The following PELP1 variants were observed in gnomAD, a reference collection of about 807,000 sequenced individuals.
The protein encoded by PELP1 is proline, glutamate and leucine rich protein 1.
In PELP1, 32 loss-of-function variants were observed where a neutral mutation model predicts 95.5. The ratio of observed to expected loss-of-function variants is 0.34; its 90% CI spans 0.25 to 0.45. The LOEUF (loss-of-function observed/expected upper bound fraction) is 0.45, where lower values mean the gene tolerates loss of function less well. Among genes scored for constraint, PELP1 ranks in the 20% least tolerant of loss-of-function variants. The probability of loss-of-function intolerance (pLI) is 1.00; values close to 1 mark genes in which losing one functional copy is unlikely to be tolerated. For missense variants in PELP1, 1,358 were observed against 1,444.8 expected, an observed-to-expected ratio of 0.94 and a Z score of 0.97; for synonymous variants, 668 against 600.1, an observed-to-expected ratio of 1.11 and a Z score of -1.65.
At chr17:4,683,330 C>A (rs1387274141) in intron 3 of PELP1, among the ~76,000 whole-genome samples, 1 of 151,104 alleles carries the variant, frequency 6.6e-6, no homozygotes, top group Non-Finnish European at 1.5e-5. Flanking sequence ...ACGCCATTCT[C>A]CTGCCTCAGC....
chr17:4,671,417 AAG>A lies in PELP1; in HGVS notation c.*20_*21del, dbSNP rs774515667. 8.1e-7 allele frequency: 1 copy of A among 1,237,748 alleles called. No homozygotes were observed. The highest frequency in any genetic ancestry group is 1.5e-5 in the African/African-American group (1 of 67,738). The allele number at this position is 1,237,748 out of a possible 1,614,324, so 76.7% of individuals were successfully genotyped here. A position where few individuals can be genotyped will look rare whatever the true frequency, so the allele number is the denominator to read the frequency against. ...TAAGGACATAACTTTATTGGAAACAAAGAGTGGGGTGCAGAAGATGGCTAGGA... is the reference window on the plus strand; with the variant it reads ...TAAGGACATAACTTTATTGGAAACAAAGTGGGGTGCAGAAGATGGCTAGGA... On this transcript the variant is annotated 3_prime_UTR_variant, in exon 17 of 17. Transcript: ENST00000572293.
At position 4,675,505 on chromosome 17, in the gene PELP1, C is replaced by A; in HGVS notation, c.1069-143G>T. 1.4e-6 allele frequency: 1 copy of A among 720,834 alleles called. No individual in the cohort carries two copies. The highest frequency in any genetic ancestry group is 2.5e-6 in the Non-Finnish European group (1 of 401,074). The allele number at this position is 720,834 out of a possible 1,614,324, so 44.7% of individuals were successfully genotyped here. ...TCTCAGCTCTCCCAACAAAATCAAA[C>A]CCCTATCCTCTAAAATAGACCCTGG... On this transcript the variant is annotated intron_variant, in intron 9 of 16. Coordinates refer to ENST00000572293, the MANE Select transcript of PELP1 (RefSeq NM_014389.3). The surrounding 1 kb of genome is among the most constrained non-coding windows in gnomAD (Gnocchi z 4.3).
intron 1 of PELP1, among the ~76,000 whole-genome samples, chr17:4,701,116 T>A (rs1336763562): frequency 1.3e-5 from 2 of 151,698 alleles, no homozygotes; most frequent in African/African-American, 4.8e-5. Flanking sequence ...ACTATTTATG[T>A]CTGAAATTTT....
At position 4,672,833 on chromosome 17, in the gene PELP1, G is replaced by A. The variant is rs866178242; in HGVS notation, c.2158C>T (p.Pro720Ser). The A allele has an allele frequency of 1.2e-6, 2 of 1,613,932 alleles. No individual in the cohort carries two copies. The highest frequency in any genetic ancestry group is 1.7e-6 in the Non-Finnish European group (2 of 1,179,848). ...TCAGGGCCAGGAAGAAGCCGGGGAG[G>A]GACAGACACTAGGCCTGGGACAGAA... ...GLSVPGLVSV[P>S]PRLLPGPENH... Residue 720 changes from proline (P) to serine (S), a missense_variant, in exon 16 of 17, where the codon CCT becomes TCT. Transcript: ENST00000572293.
chr17:4,677,757 T>C (rs1313775452), intron 5 of PELP1, among the ~76,000 whole-genome samples: 2 of 151,978 alleles, frequency 1.3e-5, no homozygotes, highest in East Asian at 1.9e-4. Context: ...GGAGAAACCC[T>C]ATCTCTACTA....
chr17:4,691,809 C>T (rs1415928635), intron 1 of PELP1: 1 of 193,796 alleles, frequency 5.2e-6, no homozygotes, highest in Non-Finnish European at 1.1e-5. Flanking sequence ...TGAATGGACA[C>T]TGAACTCATC....
At chr17:4,696,016 G>A (rs1251131823) in intron 1 of PELP1, among the ~76,000 whole-genome samples, 2 of 83,582 alleles carry the variant, frequency 2.4e-5, no homozygotes, top group Non-Finnish European at 4.8e-5. Flanking sequence ...ATAAAAAAAA[G>A]AGTGTTCCAG....
At chr17:4,678,385 G>C (rs897854111) in intron 5 of PELP1, among the ~76,000 whole-genome samples, 1 of 151,982 alleles carries the variant, frequency 6.6e-6, no homozygotes, top group Admixed American at 6.6e-5. Flanking sequence ...TGACGTGGGA[G>C]GATCACTTGA....
intron 5 of PELP1, among the ~76,000 whole-genome samples, chr17:4,679,568 G>A (rs1237798570): frequency 6.6e-6 from 1 of 152,198 alleles, no homozygotes; most frequent in East Asian, 1.9e-4. Flanking sequence ...TAACAGAGCT[G>A]AATCAAAATA....
chr17:4,702,844 G>A (rs1205167829), intron 1 of PELP1, among the ~76,000 whole-genome samples: 1 of 152,162 alleles, frequency 6.6e-6, no homozygotes, highest in East Asian at 1.9e-4. Flanking sequence ...ATTGTTATAA[G>A]GAGCAGCTAT....
rs1337969030 is a variant in PELP1, at chr17:4,673,803, C to G, written c.1583-129G>C. On this transcript the variant is annotated intron_variant, in intron 13 of 16. Coordinates refer to ENST00000572293, the MANE Select transcript of PELP1 (RefSeq NM_014389.3). The surrounding 1 kb of genome is among the most constrained non-coding windows in gnomAD (Gnocchi z 5.7). ...ATCTTGGCCAAGTCATTTAACTTCTCAACTAGAAAATGGGGATCATAAAAG... is the reference window on the plus strand; with the variant it reads ...ATCTTGGCCAAGTCATTTAACTTCTGAACTAGAAAATGGGGATCATAAAAG... 6.5e-6 allele frequency: 5 copies of G among 773,308 alleles called. No individual in the cohort carries two copies. Among genetic ancestry groups the G allele is most frequent in the Non-Finnish European group, 1.2e-5 (5 of 427,896 alleles). The allele number at this position is 773,308 out of a possible 1,614,324, so 47.9% of individuals were successfully genotyped here.
intron 3 of PELP1, among the ~76,000 whole-genome samples, chr17:4,689,439 A>G (rs1913016375): frequency 6.6e-6 from 1 of 152,234 alleles, no homozygotes; most frequent in Non-Finnish European, 1.5e-5. Context: ...AAGAACTAAC[A>G]TCCAGAATTT....
rs764119917 is a variant in PELP1, at chr17:4,674,621, G to A, written c.1471C>T (p.Pro491Ser). ...SPDGSLQTGK[P>S]SAPKKLKLDV... The stretch of plus-strand genomic sequence containing the variant: ...AGCTTTAGCTTCTTGGGGGCGCTAG[G>A]CTTCCCAGTCTGCAAACTCCCATCA... The change falls in exon 13 of 17, where the codon CCT becomes TCT. Residue 491 changes from proline to serine, a missense_variant. This residue lies in a region of PELP1 where 538 missense variants were observed against 628.1 expected (regional missense o/e 0.86). Coordinates refer to ENST00000572293, the MANE Select transcript of PELP1 (RefSeq NM_014389.3). 6.1e-5 allele frequency: 98 copies of A among 1,604,930 alleles called. No individual in the cohort carries two copies. The highest frequency in any genetic ancestry group is 1.7e-4 in the Middle Eastern group (1 of 6,028).
At position 4,671,378 on chromosome 17, in the gene PELP1, C is replaced by T; in HGVS notation, c.*61G>A. On this transcript the variant is annotated 3_prime_UTR_variant, in exon 17 of 17. Transcript: ENST00000572293. ...ACCCAGGTGTGGCAAAAGGCAGAAGCAGCAGTCGCTATCTAAGGACATAAC... is the reference window on the plus strand; with the variant it reads ...ACCCAGGTGTGGCAAAAGGCAGAAGTAGCAGTCGCTATCTAAGGACATAAC... 1.1e-6 allele frequency: 1 copy of T among 945,224 alleles called. No individual in the cohort carries two copies. Among genetic ancestry groups the T allele is most frequent in the Non-Finnish European group, 1.7e-6 (1 of 576,568 alleles). The allele number at this position is 945,224 out of a possible 1,614,324, so 58.6% of individuals were successfully genotyped here.
At chr17:4,676,694 A>G in intron 6 of PELP1, 59 bp downstream of exon 6, 3 of 1,457,562 alleles carry the variant, frequency 2.1e-6, no homozygotes, top group Non-Finnish European at 2.8e-6. Context: ...GAGGAGGAGC[A>G]GCAAGAGACA....
rs745344942 is a variant in PELP1 at position 4,671,568 on chromosome 17, C to G, written c.3301-37G>C. 2.7e-5 allele frequency: 44 copies of G among 1,611,572 alleles called. No homozygotes were observed. In the South Asian group the frequency reaches 4.8e-4, roughly 18 times the overall value. On this transcript the variant is annotated intron_variant, in intron 16 of 16. Coordinates refer to ENST00000572293, the MANE Select transcript of PELP1 (RefSeq NM_014389.3). ...AAAGATACAAGATTCAGAATAGTCA[C>G]ACACACATACACAGAAGAATGGTTC...
chr17:4,672,433 A>T lies in PELP1; in HGVS notation c.2558T>A (p.Val853Glu). ...PPPPPPVPGP[V>E]TLPPPQLVPE... Reference sequence around the variant, plus strand: ...GACCAACTGGGGTGGAGGGAGCGTCACAGGACCAGGAACAGGCGGCGGCGG... The same window carrying T: ...GACCAACTGGGGTGGAGGGAGCGTCTCAGGACCAGGAACAGGCGGCGGCGG... The change falls in exon 16 of 17, where the codon GTG becomes GAG. Residue 853 changes from valine (V) to glutamate (E), a missense_variant. Physicochemically the swap from Val to Glu is moderately radical, Grantham distance 121 (BLOSUM62 -2). Transcript: ENST00000572293. 6.4e-7 allele frequency: 1 copy of T among 1,570,930 alleles called. No individual in the cohort carries two copies. The highest frequency in any genetic ancestry group is 8.6e-7 in the Non-Finnish European group (1 of 1,158,258).
chr17:4,699,341 C>G (rs891415012), intron 1 of PELP1, among the ~76,000 whole-genome samples: 25 of 151,840 alleles, frequency 1.6e-4, no homozygotes, highest in Non-Finnish European at 3.1e-4. Context: ...AATCGCACCA[C>G]TGCACTCCAG....
At chr17:4,695,246 C>T (rs945337237) in intron 1 of PELP1, among the ~76,000 whole-genome samples, 2 of 151,854 alleles carry the variant, frequency 1.3e-5, no homozygotes, top group African/African-American at 2.4e-5. Flanking sequence ...CGCTTGAACC[C>T]GGGAGGCAGA....
Sources: allele counts gnomAD v4.1 joint callset (sites outside exome capture counted in the v4.1 genomes callset), GRCh38; gene constraint gnomAD v4.1.1; regional missense constraint gnomAD v4.1.1; non-coding constraint Gnocchi (gnomAD v3.1); transcripts MANE v1.5; gene names NCBI Gene and HGNC (gene_info 2026-07-23, HGNC 2026-07-21).